SHQ1: variants seen among roughly 807,000 people sequenced by gnomAD.
SHQ1 encodes protein SHQ1 homolog.
Under a neutral mutation model 53.8 loss-of-function variants are expected in SHQ1, and 49 were observed. That is an observed-to-expected ratio of 0.91 (90% confidence interval 0.72 to 1.16). The LOEUF is 1.16. Among genes scored for constraint, SHQ1 ranks in the 50% most tolerant of loss-of-function variants. The pLI is 0.00. For missense variants in SHQ1, 738 were observed against 683.1 expected (o/e 1.08, Z -0.90); for synonymous variants, 243 against 251.0 (o/e 0.97, Z 0.30).
chr3:72,837,438 T>C (rs1462499826), intron 4 of SHQ1, among the ~76,000 whole-genome samples: 1 of 152,194 alleles, frequency 6.6e-6, no homozygotes, highest in Non-Finnish European at 1.5e-5. Context: ...GTTGAAATTA[T>C]GAATAATTTT....
intron 4 of SHQ1, among the ~76,000 whole-genome samples, chr3:72,833,496 AGATAGACAGACAGAC>A (rs1707895737): frequency 4.1e-5 from 1 of 24,518 alleles, no homozygotes; most frequent in Non-Finnish European, 1.2e-4. Flanking sequence ...ATAGATAGAT[AGATAGACAGACAGAC>A]AGACAGATAG....
the SHQ1 span, among the ~76,000 whole-genome samples, chr3:72,735,750 A>AAGGAAGGAAGGAAGGCAGGC: frequency 4.2e-4 from 52 of 122,618 alleles, no homozygotes; most frequent in African/African-American, 1.3e-3. Context: ...GGAAGGAAGG[A>AAGGAAGGAAGGAAGGCAGGC]AGGCAGGCAG....
the SHQ1 span, among the ~76,000 whole-genome samples, chr3:72,739,953 T>C: frequency 1.1e-3 from 163 of 151,836 alleles, no homozygotes; most frequent in Non-Finnish European, 1.9e-3. Context: ...CCAGGAAGAG[T>C]GTGGCCTTAG....
chr3:72,807,598 T>G (rs1294751252), intron 9 of SHQ1, among the ~76,000 whole-genome samples: 1 of 152,190 alleles, frequency 6.6e-6, no homozygotes, highest in Non-Finnish European at 1.5e-5. Context: ...TTAAAAGTCA[T>G]TTGCTAAACT....
chr3:72,728,081 C>A, the SHQ1 span, among the ~76,000 whole-genome samples: 1 of 152,210 alleles, frequency 6.6e-6, no homozygotes, highest in Non-Finnish European at 1.5e-5. Context: ...TAGTTGTCCA[C>A]GATGGCAACA....
At chr3:72,731,277 C>T in the SHQ1 span, among the ~76,000 whole-genome samples, 3 of 148,348 alleles carry the variant, frequency 2.0e-5, no homozygotes, top group Non-Finnish European at 4.5e-5. Flanking sequence ...GTACAATATT[C>T]TAAGTTTTAT....
At chr3:72,754,729 C>G (rs371806058) in intron 10 of SHQ1, among the ~76,000 whole-genome samples, 16 of 152,296 alleles carry the variant, frequency 1.1e-4, no homozygotes, top group African/African-American at 3.6e-4. Flanking sequence ...CTAACTTGAG[C>G]TCCACTCAGC....
chr3:72,763,099 T>C (rs1200252468), intron 10 of SHQ1, among the ~76,000 whole-genome samples: 2 of 150,916 alleles, frequency 1.3e-5, no homozygotes, highest in South Asian at 4.2e-4. Context: ...ATGCTTTAAA[T>C]AATTTCTAGT....
chr3:72,751,529 T>TACACAC (rs1467497305), intron 10 of SHQ1, among the ~76,000 whole-genome samples: 5 of 137,994 alleles, frequency 3.6e-5, no homozygotes, highest in African/African-American at 1.5e-4. Context: ...TATATATATA[T>TACACAC]ACATATACAT....
intron 10 of SHQ1, among the ~76,000 whole-genome samples, chr3:72,783,299 C>T (rs1706127093): frequency 1.3e-5 from 2 of 152,086 alleles, no homozygotes; most frequent in Admixed American, 1.3e-4. Flanking sequence ...TCTCCTCTAA[C>T]CTCCTCCACC....
intron 3 of SHQ1, among the ~76,000 whole-genome samples, chr3:72,841,682 C>T (rs1439339846): frequency 1.3e-5 from 2 of 152,110 alleles, no homozygotes; most frequent in Admixed American, 6.5e-5. Flanking sequence ...CACCAGAGAC[C>T]GGATTTGTGG....
chr3:72,768,223 T>A (rs1705772908), intron 10 of SHQ1, among the ~76,000 whole-genome samples: 1 of 152,178 alleles, frequency 6.6e-6, no homozygotes, highest in Non-Finnish European at 1.5e-5. Context: ...CACAAATCGC[T>A]GACCCTGCTG....
In SHQ1 at chr3:72,817,280, T is replaced by C; in HGVS notation, c.832A>G (p.Ile278Val). The C allele has an allele frequency of 1.9e-6, 3 of 1,613,900 alleles. No individual in the cohort carries two copies. In the East Asian group the frequency reaches 6.7e-5, roughly 36 times the overall value. ...GTTTCATAGCAATATGCCAGAAGGA[T>C]ATCAATCAAACTGTAGCACACTTGA... ...CRQVCYSLID[I>V]LLAYCYETRV... Residue 278 changes from isoleucine to valine, a missense_variant, in exon 7 of 11, where the codon ATC becomes GTC. Coordinates refer to ENST00000325599, the MANE Select transcript of SHQ1 (RefSeq NM_018130.3).
chr3:72,740,631 C>T, the SHQ1 span, among the ~76,000 whole-genome samples: 1 of 152,208 alleles, frequency 6.6e-6, no homozygotes, highest in South Asian at 2.1e-4. Context: ...CTCCAAAAGT[C>T]AGCACAGGCC....
At position 72,770,735 on chromosome 3, in the gene SHQ1, G is replaced by C. The variant is rs74695838; in HGVS notation, c.1182-19899C>G. 1.8e-3 allele frequency among the ~76,000 whole-genome samples: 276 copies of C among 152,294 alleles called. 1 individual carries two copies. Among genetic ancestry groups the C allele is most frequent in the African/African-American group, 6.5e-3 (270 of 41,572 alleles). On this transcript the variant is annotated intron_variant, in intron 10 of 10. Transcript: ENST00000325599. ...ACACCTAGCCTCGAATATCCACATAGAAGACAGGAAAGAGGCAAATGTGTC... is the reference window on the plus strand; with the variant it reads ...ACACCTAGCCTCGAATATCCACATACAAGACAGGAAAGAGGCAAATGTGTC...
the SHQ1 span, among the ~76,000 whole-genome samples, chr3:72,729,199 GC>G: frequency 6.6e-6 from 1 of 152,186 alleles, no homozygotes; most frequent in African/African-American, 2.4e-5. Flanking sequence ...AGTCACGGTT[GC>G]CCCTGGATTC....
chr3:72,840,561 A>C (rs996884882), intron 4 of SHQ1, among the ~76,000 whole-genome samples: 9 of 69,412 alleles, frequency 1.3e-4, no homozygotes, highest in African/African-American at 1.1e-3. Flanking sequence ...ACTCCGTCTC[A>C]AAAAAAAAAA....
chr3:72,808,413 G>A (rs1404744052), intron 9 of SHQ1, among the ~76,000 whole-genome samples: 1 of 152,078 alleles, frequency 6.6e-6, no homozygotes, highest in Non-Finnish European at 1.5e-5. Flanking sequence ...ATATGTAAGT[G>A]CACAGACTCT....
intron 10 of SHQ1, among the ~76,000 whole-genome samples, chr3:72,786,374 G>T (rs1251059726): frequency 6.6e-6 from 1 of 152,196 alleles, no homozygotes; most frequent in Non-Finnish European, 1.5e-5. Context: ...TATTCTCCCA[G>T]GACAAAGGCC....
Sources: allele counts gnomAD v4.1 joint callset (sites outside exome capture counted in the v4.1 genomes callset), GRCh38; gene constraint gnomAD v4.1.1; transcripts MANE v1.5; gene names NCBI Gene and HGNC (gene_info 2026-07-23, HGNC 2026-07-21).